Variants in SH3GL2 observed in about 807,000 individuals in gnomAD.
SH3GL2 encodes endophilin-A1.
Under a neutral mutation model 46.0 loss-of-function variants are expected in SH3GL2, and 24 were observed. The ratio of observed to expected loss-of-function variants is 0.52; its 90% CI spans 0.38 to 0.73. The LOEUF is 0.73. Among genes scored for constraint, SH3GL2 ranks in the 30% least tolerant of loss-of-function variants. SH3GL2 has a pLI of 0.00. For missense variants in SH3GL2, 413 were observed against 424.2 expected, an observed-to-expected ratio of 0.97 and a Z score of 0.23; for synonymous variants, 196 against 147.1, an observed-to-expected ratio of 1.33 and a Z score of -2.40.
intron 3 of SH3GL2, among the ~76,000 whole-genome samples, chr9:17,784,320 C>A (rs1823896328): frequency 6.6e-6 from 1 of 152,086 alleles, no homozygotes; most frequent in Admixed American, 6.6e-5. Context: ...CTGGAGACAG[C>A]CCTTAATAGA....
rs141320275 is a variant in SH3GL2, at chr9:17,775,731, C to G, written c.188-10650C>G. On this transcript the variant is annotated intron_variant, in intron 3 of 8. Coordinates refer to ENST00000380607, the MANE Select transcript of SH3GL2 (RefSeq NM_003026.5). ...AAAAGCAGTGAAAGACTTCAGAAACCATGTTTCATGTCTTTGGTCTTCCCT... is the reference window on the plus strand; with the variant it reads ...AAAAGCAGTGAAAGACTTCAGAAACGATGTTTCATGTCTTTGGTCTTCCCT... Among the ~76,000 whole-genome samples the G allele has an allele frequency of 4.7e-4, 72 of 152,214 alleles. No homozygotes were observed. The East Asian group carries it at 0.012, about 24-fold the overall frequency.
rs1824282416 is a variant in SH3GL2, at chr9:17,796,728, A to G, written c.*985A>G. On this transcript the variant is annotated 3_prime_UTR_variant, in exon 9 of 9. Coordinates refer to ENST00000380607, the MANE Select transcript of SH3GL2 (RefSeq NM_003026.5). ...TTTTACCCTGTGTTCTTTGAACATC[A>G]TTTGTGCAGATTCTGCCCTCAATGA... 2 of 152,674 alleles carry G rather than the reference A, an allele frequency of 1.3e-5. No homozygotes were observed. The highest frequency in any genetic ancestry group is 4.1e-4 in the South Asian group (2 of 4,834). The allele number at this position is 152,674 out of a possible 1,614,324, so 9.5% of individuals were successfully genotyped here.
intron 3 of SH3GL2, among the ~76,000 whole-genome samples, chr9:17,784,488 T>C (rs574190388): frequency 2.0e-4 from 31 of 152,292 alleles, no homozygotes; most frequent in African/African-American, 7.5e-4. Context: ...TTAGGTGTTG[T>C]TTATTTTATT....
At position 17,738,641 on chromosome 9, in the gene SH3GL2, T is replaced by TATATATATAGAGAGAGAG. The variant is rs376280314; in HGVS notation, c.46-8424_46-8423insTATATATAGAGAGAGAGA. Among the ~76,000 whole-genome samples, 46 of 88,876 alleles carry TATATATATAGAGAGAGAG rather than the reference T, an allele frequency of 5.2e-4. 1 individual carries two copies. Among genetic ancestry groups the TATATATATAGAGAGAGAG allele is most frequent in the South Asian group, 2.9e-3 (6 of 2,040 alleles). The allele number at this position is 88,876 out of a possible 152,430, so 58.3% of individuals were successfully genotyped here. ...TCATGTGATTTTATATATATATATATAGAGAGAGAGAGAGAGAGAGAGAGA... is the reference window on the plus strand; with the variant it reads ...TCATGTGATTTTATATATATATATATATATATATAGAGAGAGAGAGAGAGAGAGAGAGAGAGAGAGAGA... On this transcript the variant is annotated intron_variant, in intron 1 of 8. Transcript: ENST00000380607.
At chr9:17,652,701 C>G (rs1033473899) in intron 1 of SH3GL2, among the ~76,000 whole-genome samples, 1 of 152,108 alleles carries the variant, frequency 6.6e-6, no homozygotes, top group South Asian at 2.1e-4. Flanking sequence ...AAAGGAAATG[C>G]TCATTGGAGC....
At chr9:17,762,931 G>T (rs1181518290) in intron 3 of SH3GL2, among the ~76,000 whole-genome samples, 3 of 152,084 alleles carry the variant, frequency 2.0e-5, no homozygotes, top group Non-Finnish European at 4.4e-5. Context: ...AAGAAGTTTT[G>T]GTCTTTATCT....
At chr9:17,622,982 T>TTCCCTTTCCTTTCCTTTCCGTTCCG (rs1563786408) in intron 1 of SH3GL2, among the ~76,000 whole-genome samples, 5 of 77,256 alleles carry the variant, frequency 6.5e-5, no homozygotes, top group Non-Finnish European at 1.3e-4. Flanking sequence ...TTTCGTTTCC[T>TTCCCTTTCCTTTCCTTTCCGTTCCG]TTCGTTTCCT....
chr9:17,786,633 C>G, intron 4 of SH3GL2, 109 bp downstream of exon 4: 1 of 1,189,946 alleles, frequency 8.4e-7, no homozygotes, highest in Non-Finnish European at 1.2e-6. Flanking sequence ...TTTTGGTTTT[C>G]AGTTTTAGAT....
At chr9:17,727,792 C>G (rs1158447269) in intron 1 of SH3GL2, among the ~76,000 whole-genome samples, 1 of 152,136 alleles carries the variant, frequency 6.6e-6, no homozygotes, top group Non-Finnish European at 1.5e-5. Context: ...GTGACCGGCT[C>G]CAGAACATGC....
At chr9:17,793,246 C>T in intron 7 of SH3GL2, 121 bp from the exon 8 acceptor site, 1 of 871,922 alleles carries the variant, frequency 1.1e-6, no homozygotes, top group Non-Finnish European at 1.7e-6. Flanking sequence ...TTTTGATTTC[C>T]CACACTTCAT....
intron 2 of SH3GL2, among the ~76,000 whole-genome samples, chr9:17,753,582 T>C (rs1224523024): frequency 6.6e-6 from 1 of 152,234 alleles, no homozygotes; most frequent in African/African-American, 2.4e-5. Flanking sequence ...TAGACCTTTG[T>C]TGGATACATA....
intron 1 of SH3GL2, among the ~76,000 whole-genome samples, chr9:17,710,783 A>G (rs181317689): frequency 1.3e-5 from 2 of 152,038 alleles, no homozygotes; most frequent in African/African-American, 2.4e-5. Flanking sequence ...AAATAAGCCA[A>G]TCCTCATCTT....
rs142790257 is a variant in SH3GL2 at position 17,707,295 on chromosome 9, C to G, written c.46-39771C>G. 1.1e-3 allele frequency among the ~76,000 whole-genome samples: 169 copies of G among 152,130 alleles called. 1 individual carries two copies. Among genetic ancestry groups the G allele is most frequent in the African/African-American group, 3.3e-3 (135 of 41,536 alleles). On this transcript the variant is annotated intron_variant, in intron 1 of 8. Transcript: ENST00000380607. The stretch of plus-strand genomic sequence containing the variant: ...AGCTGAAATATCTTCCACTGGCTCT[C>G]ATGTCTTTCTTCTAAATCTTCCTCT...
chr9:17,670,792 C>A (rs1048411924), intron 1 of SH3GL2, among the ~76,000 whole-genome samples: 1 of 152,098 alleles, frequency 6.6e-6, no homozygotes, highest in African/African-American at 2.4e-5. Context: ...CATTTCTTAT[C>A]TACTTGAAAT....
chr9:17,651,941 CCT>C (rs1819969258), intron 1 of SH3GL2, among the ~76,000 whole-genome samples: 1 of 152,110 alleles, frequency 6.6e-6, no homozygotes, highest in African/African-American at 2.4e-5. Flanking sequence ...ATCATTGCCT[CCT>C]CTCTCTTGTC....
At chr9:17,588,838 A>G (rs1818427038) in intron 1 of SH3GL2, among the ~76,000 whole-genome samples, 3 of 152,214 alleles carry the variant, frequency 2.0e-5, no homozygotes, top group Non-Finnish European at 4.4e-5. Flanking sequence ...CAACAGCTGA[A>G]AATGAAGAGA....
chr9:17,739,988 T>G (rs569670842), intron 1 of SH3GL2, among the ~76,000 whole-genome samples: 2 of 152,294 alleles, frequency 1.3e-5, no homozygotes, highest in Admixed American at 6.5e-5. Flanking sequence ...GGCCAAGTAC[T>G]TAACTCACTC....
At chr9:17,673,935 A>G (rs572401592) in intron 1 of SH3GL2, among the ~76,000 whole-genome samples, 12 of 152,220 alleles carry the variant, frequency 7.9e-5, no homozygotes, top group Admixed American at 1.3e-4. Flanking sequence ...GTCTATCTCT[A>G]TGATAGATCC....
chr9:17,706,852 C>T (rs962716996), intron 1 of SH3GL2, among the ~76,000 whole-genome samples: 3 of 152,018 alleles, frequency 2.0e-5, no homozygotes, highest in African/African-American at 7.2e-5. Context: ...GTAGGAGAGT[C>T]AGGAGAGGCT....
Sources: gnomAD v4.1 joint callset for allele counts (sites outside exome capture counted in the v4.1 genomes callset) on GRCh38, gnomAD v4.1.1 for gene constraint, MANE v1.5 for transcripts, NCBI Gene and HGNC (gene_info 2026-07-23, HGNC 2026-07-21) for gene names.